RBFOX3: variants seen among roughly 807,000 people sequenced by gnomAD.
RBFOX3 encodes the protein RNA binding fox-1 homolog 3.
In RBFOX3, 17 loss-of-function variants were observed where a neutral mutation model predicts 48.7. The ratio of observed to expected loss-of-function variants is 0.35; its 90% confidence interval spans 0.24 to 0.52. RBFOX3 has a LOEUF of 0.52. RBFOX3 is among the 20% of genes least tolerant of loss of function. The probability of loss-of-function intolerance (pLI) is 0.94; values close to 1 mark genes in which losing one functional copy is unlikely to be tolerated. For missense variants in RBFOX3, 382 were observed against 497.5 expected, an observed-to-expected ratio of 0.77 and a Z score of 2.21; for synonymous variants, 212 against 209.5, an observed-to-expected ratio of 1.01 and a Z score of -0.10.
intron 1 of RBFOX3, among the ~76,000 whole-genome samples, chr17:79,580,912 A>T (rs2093036814): frequency 6.6e-6 from 1 of 152,184 alleles, no homozygotes; most frequent in East Asian, 1.9e-4. Context: ...GACCAAAGTG[A>T]GTCTGTCTCA....
chr17:79,653,316 C>A, the RBFOX3 span, among the ~76,000 whole-genome samples: 1 of 152,192 alleles, frequency 6.6e-6, no homozygotes, highest in African/African-American at 2.4e-5. Context: ...CCCAGGACAA[C>A]TTCCCCAGGC....
the RBFOX3 span, among the ~76,000 whole-genome samples, chr17:79,634,512 C>T: frequency 6.6e-6 from 1 of 152,200 alleles, no homozygotes; most frequent in Non-Finnish European, 1.5e-5. Flanking sequence ...TGCCCCAGAA[C>T]CCCGGCGTTC....
chr17:79,164,560 G>C (rs563412363), intron 4 of RBFOX3, among the ~76,000 whole-genome samples: 3 of 152,226 alleles, frequency 2.0e-5, no homozygotes, highest in Non-Finnish European at 4.4e-5. Context: ...AGCTGTGCCA[G>C]TGAAAACGGT....
chr17:79,379,591 G>A (rs2059634819), intron 2 of RBFOX3, among the ~76,000 whole-genome samples: 1 of 152,122 alleles, frequency 6.6e-6, no homozygotes, highest in Non-Finnish European at 1.5e-5. Flanking sequence ...AATGAACACG[G>A]GTGAGCAGGG....
the RBFOX3 span, among the ~76,000 whole-genome samples, chr17:79,620,657 A>G: frequency 7.2e-6 from 1 of 138,128 alleles, no homozygotes; most frequent in East Asian, 2.0e-4. Flanking sequence ...ACGGACATGC[A>G]CACACGCACA....
At chr17:79,230,272 T>G (rs1384049800) in intron 4 of RBFOX3, among the ~76,000 whole-genome samples, 2 of 152,174 alleles carry the variant, frequency 1.3e-5, no homozygotes, top group African/African-American at 4.8e-5. Flanking sequence ...ATTTATTTAT[T>G]TTTTTGAGAT....
intron 1 of RBFOX3, among the ~76,000 whole-genome samples, chr17:79,527,520 T>G (rs1268414259): frequency 6.6e-6 from 1 of 152,238 alleles, no homozygotes; most frequent in Non-Finnish European, 1.5e-5. Context: ...CCACCAGCTT[T>G]GTCTCTCTCG....
intron 2 of RBFOX3, among the ~76,000 whole-genome samples, chr17:79,452,357 G>A (rs1008400876): frequency 3.9e-5 from 6 of 152,224 alleles, no homozygotes; most frequent in Admixed American, 2.6e-4. Flanking sequence ...AAGGGAAGGC[G>A]GATGGGCATT....
Position 79,214,721 on chromosome 17 carries a change from CAGGGGCCCCCAGCTA to C in RBFOX3, c.-34+21030_-34+21044del, listed in dbSNP as rs1244796387. Among the ~76,000 whole-genome samples, 1 of 151,924 alleles carries C rather than the reference CAGGGGCCCCCAGCTA, an allele frequency of 6.6e-6. No individual in the cohort carries two copies. The highest frequency in any genetic ancestry group is 2.4e-5 in the African/African-American group (1 of 41,364). ...AGCCCAGGAGGGGAGGCTGGAGGCC[CAGGGGCCCCCAGCTA>C]CTAGACGGCCCTAGGAAACAGACAC... On this transcript the variant is annotated intron_variant, in intron 4 of 14. Coordinates refer to ENST00000693108, the MANE Select transcript of RBFOX3 (RefSeq NM_001350451.2). This position sits in a 1 kb window ranked among gnomAD's most constrained non-coding sequence, Gnocchi z 4.7.
intron 4 of RBFOX3, among the ~76,000 whole-genome samples, chr17:79,123,783 T>C (rs2036419246): frequency 6.6e-6 from 1 of 152,126 alleles, no homozygotes; most frequent in South Asian, 2.1e-4. Flanking sequence ...GCAGTAAAGT[T>C]TGGCCAGCCC....
chr17:79,450,456 GA>G (rs1555740907), intron 2 of RBFOX3, among the ~76,000 whole-genome samples: 1 of 152,128 alleles, frequency 6.6e-6, no homozygotes, highest in African/African-American at 2.4e-5. Context: ...GCCATCCTGG[GA>G]TGGGGACTCC....
At position 79,103,546 on chromosome 17, in the gene RBFOX3, A is replaced by G. The variant is rs370675009; in HGVS notation, c.415-292T>C. On this transcript the variant is annotated intron_variant, in intron 7 of 14. Coordinates refer to ENST00000693108, the MANE Select transcript of RBFOX3 (RefSeq NM_001350451.2). This position sits in a 1 kb window ranked among gnomAD's most constrained non-coding sequence, Gnocchi z 6.1. The stretch of plus-strand genomic sequence containing the variant: ...CTCCAAAGGGACAGGCCAAAGCCAC[A>G]TAAGAGACGCCATACCTGACCACAG... 2.6e-3 allele frequency among the ~76,000 whole-genome samples: 400 copies of G among 152,272 alleles called. 4 individuals are homozygous for G. The highest frequency in any genetic ancestry group is 9.4e-3 in the African/African-American group (390 of 41,572).
intron 3 of RBFOX3, among the ~76,000 whole-genome samples, chr17:79,264,892 A>G (rs1168384440): frequency 6.6e-6 from 1 of 151,882 alleles, no homozygotes; most frequent in Admixed American, 6.6e-5. Context: ...CTGCAGGGCA[A>G]GCTGGGTGAG....
At chr17:79,280,221 A>G (rs970904859) in intron 3 of RBFOX3, among the ~76,000 whole-genome samples, 4 of 86,012 alleles carry the variant, frequency 4.7e-5, no homozygotes, top group African/African-American at 2.2e-4. Context: ...ACAAACATGC[A>G]CACACACGCA....
intron 2 of RBFOX3, among the ~76,000 whole-genome samples, chr17:79,437,921 T>A (rs139050328): frequency 2.0e-4 from 30 of 149,806 alleles, no homozygotes; most frequent in Non-Finnish European, 3.9e-4. Context: ...CTCATGTACA[T>A]GCACACGCAT....
chr17:79,211,538 C>T (rs143140633), intron 4 of RBFOX3, among the ~76,000 whole-genome samples: 1,801 of 152,310 alleles, frequency 0.012, 46 homozygotes, highest in African/African-American at 0.041. Context: ...GTGCAGTTAA[C>T]AGGGATAGGG....
intron 4 of RBFOX3, among the ~76,000 whole-genome samples, chr17:79,143,971 G>A (rs895658275): frequency 8.5e-5 from 13 of 152,224 alleles, no homozygotes; most frequent in African/African-American, 2.4e-4. Context: ...GGGTGGCCAC[G>A]AAGGGGGACA....
At chr17:79,266,402 G>A (rs538845656) in intron 3 of RBFOX3, among the ~76,000 whole-genome samples, 2 of 152,324 alleles carry the variant, frequency 1.3e-5, no homozygotes, top group South Asian at 2.1e-4. Flanking sequence ...TCATCCAGCT[G>A]TGCTTTCTGT....
At chr17:79,328,946 A>T (rs2079773841) in intron 2 of RBFOX3, among the ~76,000 whole-genome samples, 1 of 152,122 alleles carries the variant, frequency 6.6e-6, no homozygotes, top group African/African-American at 2.4e-5. Flanking sequence ...GGTGGGGGAG[A>T]TCATGCAGGC....
Sources: allele counts gnomAD v4.1 joint callset (sites outside exome capture counted in the v4.1 genomes callset), GRCh38; gene constraint gnomAD v4.1.1; non-coding constraint Gnocchi (gnomAD v3.1); transcripts MANE v1.5; gene names NCBI Gene and HGNC (gene_info 2026-07-23, HGNC 2026-07-21).